Variants in MYO9A observed in about 807,000 individuals in gnomAD.
MYO9A encodes the protein unconventional myosin-IXa.
Under a neutral mutation model 293.3 loss-of-function variants are expected in MYO9A, and 103 were observed. That is an observed-to-expected ratio of 0.35 (90% CI 0.30 to 0.41). The LOEUF (loss-of-function observed/expected upper bound fraction) is 0.41. Among genes scored for constraint, MYO9A ranks in the 10% least tolerant of loss-of-function variants. The pLI, the probability that MYO9A is intolerant of heterozygous loss-of-function variation, is 1.00. For synonymous variants in MYO9A, 1,001 were observed against 1,035.7 expected (o/e 0.97, Z 0.64); for missense variants, 2,685 against 3,033.0 (o/e 0.89, Z 2.69).
At chr15:71,979,916 G>A (rs191613808) in intron 11 of MYO9A, among the ~76,000 whole-genome samples, 1 of 152,304 alleles carries the variant, frequency 6.6e-6, no homozygotes, top group East Asian at 1.9e-4. Flanking sequence ...AGGTGATGCT[G>A]ATGCTATTAT....
chr15:71,896,835 T>C (rs2057343134), intron 25 of MYO9A: 1 of 152,000 alleles, frequency 6.6e-6, no homozygotes, highest in African/African-American at 2.4e-5. Flanking sequence ...AGTAAACTCT[T>C]GGAAACAGAA....
chr15:71,908,388 C>A (rs535196579), intron 19 of MYO9A, among the ~76,000 whole-genome samples: 116 of 152,306 alleles, frequency 7.6e-4, no homozygotes, highest in Non-Finnish European at 1.5e-3. Context: ...TGGTCTCAAT[C>A]TCCTGACCTC....
intron 13 of MYO9A, 126 bp from the exon 14 acceptor site, chr15:71,960,222 G>A: frequency 1.3e-6 from 1 of 781,026 alleles, no homozygotes. Flanking sequence ...TTCCCCCATG[G>A]TGGAGATGGG....
chr15:71,832,047 C>T (rs982023069), intron 39 of MYO9A, among the ~76,000 whole-genome samples: 1 of 152,188 alleles, frequency 6.6e-6, no homozygotes, highest in Non-Finnish European at 1.5e-5. Context: ...GAGGCTGAGG[C>T]AGGCAGATCA....
Position 71,978,054 on chromosome 15 carries a change from T to A in MYO9A, c.1844+117A>T, listed in dbSNP as rs1056712324. 4.2e-6 allele frequency: 5 copies of A among 1,184,852 alleles called. No homozygotes were observed. In the African/African-American group the frequency reaches 7.9e-5, roughly 19 times the overall value. 73.4% of individuals were successfully genotyped at this position (1,184,852 alleles called of 1,614,324 possible). On this transcript the variant is annotated intron_variant, in intron 12 of 41. Coordinates refer to ENST00000356056, the MANE Select transcript of MYO9A (RefSeq NM_006901.4). ...TCCGTCTCAAAAATAAATAAAAAAA[T>A]AAATTGTACAAAAAAAATTTGGCTC...
chr15:71,948,079 T>C (rs8036752), intron 15 of MYO9A, among the ~76,000 whole-genome samples: 118 of 152,324 alleles, frequency 7.7e-4, no homozygotes, highest in African/African-American at 2.6e-3. Flanking sequence ...TATGTCTTAA[T>C]ATTGAAGGTC....
At chr15:72,081,694 T>A (rs1364935234) in intron 1 of MYO9A, among the ~76,000 whole-genome samples, 2 of 152,222 alleles carry the variant, frequency 1.3e-5, no homozygotes, top group African/African-American at 4.8e-5. Context: ...TTAGAGACTT[T>A]AATCCATCTT....
rs1225708540 is a variant in MYO9A, at chr15:71,910,143, C to CGT, written c.2686-5139_2686-5138dup. 1.2e-4 allele frequency among the ~76,000 whole-genome samples: 13 copies of CGT among 108,002 alleles called. No homozygotes were observed. In the South Asian group the frequency reaches 2.3e-3, roughly 19 times the overall value. The allele number at this position is 108,002 out of a possible 152,430, so 70.9% of individuals were successfully genotyped here. ...ATATATACACGTGTATATATATATA[C>CGT]GTGTGTGTGTATATATATATACGTG... On this transcript the variant is annotated intron_variant, in intron 19 of 41. Coordinates refer to ENST00000356056, the MANE Select transcript of MYO9A (RefSeq NM_006901.4).
At chr15:71,945,372 A>C (rs1476764376) in intron 15 of MYO9A, among the ~76,000 whole-genome samples, 1 of 152,216 alleles carries the variant, frequency 6.6e-6, no homozygotes, top group Admixed American at 6.5e-5. Flanking sequence ...GCAGTACCCC[A>C]GAAGGAAATT....
Position 72,065,471 on chromosome 15 carries a change from C to T in MYO9A, c.-71-18837G>A, listed in dbSNP as rs544974267. Among the ~76,000 whole-genome samples the T allele has an allele frequency of 1.6e-3, 240 of 148,716 alleles. 2 individuals are homozygous for T. The highest frequency in any genetic ancestry group is 5.7e-3 in the African/African-American group (230 of 40,298). Reference sequence around the variant, plus strand: ...CGGAGGTTGCAGTGAGCTGAGATCACGCCACTGCACTCCACCCTGGGCAAC... The same window carrying T: ...CGGAGGTTGCAGTGAGCTGAGATCATGCCACTGCACTCCACCCTGGGCAAC... On this transcript the variant is annotated intron_variant, in intron 1 of 41. Coordinates refer to ENST00000356056, the MANE Select transcript of MYO9A (RefSeq NM_006901.4).
At position 72,041,416 on chromosome 15, in the gene MYO9A, C is replaced by T; in HGVS notation, c.840+4308G>A. The T allele has an allele frequency of 7.7e-6, 3 of 389,334 alleles. No individual in the cohort carries two copies. In the Admixed American group the frequency reaches 1.0e-4, roughly 13 times the overall value. The allele number at this position is 389,334 out of a possible 1,614,324, so 24.1% of individuals were successfully genotyped here. On this transcript the variant is annotated intron_variant, in intron 2 of 41. Coordinates refer to ENST00000356056, the MANE Select transcript of MYO9A (RefSeq NM_006901.4). ...TGTCTCTGAATATTTGGAACATCCA[C>T]GTTGTGAACAGAAGGACAAATATCT...
intron 1 of MYO9A, among the ~76,000 whole-genome samples, chr15:72,102,424 C>T (rs561281789): frequency 2.2e-4 from 33 of 148,824 alleles, no homozygotes; most frequent in African/African-American, 7.4e-4. Flanking sequence ...CTTCCCTCCA[C>T]TATTGTCCTA....
Position 71,879,854 on chromosome 15 carries a change from G to C in MYO9A, c.5623-17C>G, listed in dbSNP as rs749665264. On this transcript the variant is annotated splice_polypyrimidine_tract_variant and intron_variant, in intron 29 of 41. Transcript: ENST00000356056. ...GTCATTCACCTGGGAACCACAAAAC[G>C]AGTTTTAGTACACAATCAACTAATT... 1 of 1,502,542 alleles carries C rather than the reference G, an allele frequency of 6.7e-7. No homozygotes were observed. The highest frequency in any genetic ancestry group is 1.7e-5 in the Admixed American group (1 of 59,508). 93.1% of individuals were successfully genotyped at this position (1,502,542 alleles called of 1,614,324 possible).
chr15:71,852,101 C>G, intron 36 of MYO9A, 31 bp downstream of exon 36: 1 of 1,586,786 alleles, frequency 6.3e-7, no homozygotes, highest in Non-Finnish European at 8.6e-7. Flanking sequence ...AACTATAGGC[C>G]TTCTCTCTAA....
intron 17 of MYO9A, among the ~76,000 whole-genome samples, chr15:71,934,111 G>A (rs1271067227): frequency 6.6e-6 from 1 of 151,986 alleles, no homozygotes; most frequent in Non-Finnish European, 1.5e-5. Flanking sequence ...TCACCAAAAC[G>A]TAATCTTCCA....
intron 8 of MYO9A, 122 bp downstream of exon 8, chr15:72,007,704 T>C (rs3759821): frequency 0.019 from 16,926 of 884,910 alleles, 238 homozygotes; most frequent in East Asian, 0.026. Context: ...TATTTAAAAA[T>C]AGTGCCTAAT....
In MYO9A at chr15:72,010,526, T is replaced by C; in HGVS notation, c.1156-79A>G. 3 of 1,253,556 alleles carry C rather than the reference T, an allele frequency of 2.4e-6. No homozygotes were observed. In the East Asian group the frequency reaches 7.6e-5, roughly 32 times the overall value. 77.7% of individuals were successfully genotyped at this position (1,253,556 alleles called of 1,614,324 possible). ...GTGGGCCATTCAGAAATATGGTAAT[T>C]TAGGATAGGTACCTGTATGTATAAA... On this transcript the variant is annotated intron_variant, in intron 6 of 41. Coordinates refer to ENST00000356056, the MANE Select transcript of MYO9A (RefSeq NM_006901.4).
Position 71,850,855 on chromosome 15 carries a change from C to A in MYO9A, c.6581+398G>T, listed in dbSNP as rs150708333. 3.4e-3 allele frequency among the ~76,000 whole-genome samples: 486 copies of A among 143,294 alleles called. 4 individuals are homozygous for A. Among genetic ancestry groups the A allele is most frequent in the Non-Finnish European group, 4.5e-3 (296 of 66,176 alleles). 94.0% of individuals were successfully genotyped at this position (143,294 alleles called of 152,430 possible). A position where few individuals can be genotyped will look rare whatever the true frequency, so the allele number is the denominator to read the frequency against. On this transcript the variant is annotated intron_variant, in intron 37 of 41. Coordinates refer to ENST00000356056, the MANE Select transcript of MYO9A (RefSeq NM_006901.4). ...ATAAAGATGGCTTTCTTCTCAACTA[C>A]TGCTGATATTTACACACAGGGGAAG...
At chr15:71,981,532 C>T (rs1251643051) in intron 11 of MYO9A, among the ~76,000 whole-genome samples, 1 of 152,122 alleles carries the variant, frequency 6.6e-6, no homozygotes, top group African/African-American at 2.4e-5. Flanking sequence ...TTTGACAAGT[C>T]TATTAACATA....
Sources: gnomAD v4.1 joint callset for allele counts (sites outside exome capture counted in the v4.1 genomes callset) on GRCh38, gnomAD v4.1.1 for gene constraint, MANE v1.5 for transcripts, NCBI Gene and HGNC (gene_info 2026-07-23, HGNC 2026-07-21) for gene names.